SH3RF3: variants seen among roughly 807,000 people sequenced by gnomAD.
SH3RF3 encodes SH3 domain containing ring finger 3.
Under a neutral mutation model 66.3 loss-of-function variants are expected in SH3RF3, and 29 were observed. The ratio of observed to expected loss-of-function variants is 0.44; its 90% CI spans 0.33 to 0.60. SH3RF3 has a LOEUF of 0.60. Among genes scored for constraint, SH3RF3 ranks in the 20% least tolerant of loss-of-function variants. The pLI is 0.04. For missense variants in SH3RF3, 1,194 were observed against 1,190.9 expected, an observed-to-expected ratio of 1.00 and a Z score of -0.04; for synonymous variants, 583 against 532.0, an observed-to-expected ratio of 1.10 and a Z score of -1.32.
intron 2 of SH3RF3, among the ~76,000 whole-genome samples, chr2:109,352,658 C>A (rs558789371): frequency 1.3e-5 from 2 of 152,206 alleles, no homozygotes; most frequent in East Asian, 3.9e-4. Flanking sequence ...TGAAGTTACC[C>A]GAGAAACTCA....
chr2:109,223,799 T>C (rs1679310356), intron 1 of SH3RF3, among the ~76,000 whole-genome samples: 1 of 152,210 alleles, frequency 6.6e-6, no homozygotes, highest in Non-Finnish European at 1.5e-5. Flanking sequence ...CACATGAAAG[T>C]GTTCAATACA....
At chr2:109,283,317 A>T (rs1045606972) in intron 1 of SH3RF3, among the ~76,000 whole-genome samples, 2 of 152,090 alleles carry the variant, frequency 1.3e-5, no homozygotes, top group Non-Finnish European at 2.9e-5. Flanking sequence ...CCTGCTGGAC[A>T]CCTGCTCCCC....
intron 4 of SH3RF3, among the ~76,000 whole-genome samples, chr2:109,412,679 C>T (rs1275173986): frequency 6.6e-6 from 1 of 152,236 alleles, no homozygotes; most frequent in Non-Finnish European, 1.5e-5. Flanking sequence ...TCAGCCAGAC[C>T]TCAAGTGTTA....
At chr2:109,479,362 G>C (rs1678773366) in intron 8 of SH3RF3, among the ~76,000 whole-genome samples, 1 of 152,168 alleles carries the variant, frequency 6.6e-6, no homozygotes, top group Non-Finnish European at 1.5e-5. Context: ...GCTGTATTTA[G>C]AAAATACAAT....
chr2:109,175,921 A>T (rs1677903254), intron 1 of SH3RF3, among the ~76,000 whole-genome samples: 1 of 152,172 alleles, frequency 6.6e-6, no homozygotes, highest in Non-Finnish European at 1.5e-5. Flanking sequence ...AGTTCTTTGA[A>T]TATTTTATAG....
intron 1 of SH3RF3, among the ~76,000 whole-genome samples, chr2:109,205,712 C>T (rs1479106143): frequency 6.6e-6 from 1 of 152,164 alleles, no homozygotes; most frequent in African/African-American, 2.4e-5. Flanking sequence ...GGTGTTGTTT[C>T]GGGGCAGTGC....
chr2:109,504,100 C>G lies in SH3RF3; in HGVS notation c.*2429C>G, dbSNP rs1003942764. 6.6e-6 allele frequency: 1 copy of G among 152,210 alleles called. No individual in the cohort carries two copies. Among genetic ancestry groups the G allele is most frequent in the African/African-American group, 2.4e-5 (1 of 41,432 alleles). 9.4% of individuals were successfully genotyped at this position (152,210 alleles called of 1,614,324 possible). On this transcript the variant is annotated 3_prime_UTR_variant, in exon 10 of 10. Coordinates refer to ENST00000309415, the MANE Select transcript of SH3RF3 (RefSeq NM_001099289.3). ...TTTTAAACTCGTTCAGGCCCTGCAG[C>G]CTTCATGATGATGTAGCTCGCAGAG...
chr2:109,422,550 C>G (rs1026389785), intron 5 of SH3RF3, among the ~76,000 whole-genome samples: 1 of 152,190 alleles, frequency 6.6e-6, no homozygotes, highest in African/African-American at 2.4e-5. Flanking sequence ...TGCATGGAGG[C>G]GACTGTGAGT....
intron 1 of SH3RF3, among the ~76,000 whole-genome samples, chr2:109,224,950 ACTG>A (rs2105162489): frequency 6.6e-6 from 1 of 152,294 alleles, no homozygotes; most frequent in Admixed American, 6.5e-5. Flanking sequence ...CAGCTAGAGA[ACTG>A]CAGCATAACC....
intron 1 of SH3RF3, among the ~76,000 whole-genome samples, chr2:109,261,225 G>C (rs1196281605): frequency 6.6e-6 from 1 of 152,124 alleles, no homozygotes; most frequent in Non-Finnish European, 1.5e-5. Flanking sequence ...TGTAAAGCGA[G>C]GGCCCTGGCT....
chr2:109,328,323 C>T (rs1353450887), intron 1 of SH3RF3, among the ~76,000 whole-genome samples: 2 of 152,206 alleles, frequency 1.3e-5, no homozygotes, highest in Non-Finnish European at 2.9e-5. Flanking sequence ...AGTTCCTACT[C>T]TTTTCCACCT....
At chr2:109,200,284 G>C (rs1402746653) in intron 1 of SH3RF3, among the ~76,000 whole-genome samples, 1 of 152,118 alleles carries the variant, frequency 6.6e-6, no homozygotes, top group African/African-American at 2.4e-5. Flanking sequence ...TTCTCAGTGG[G>C]CGTCTGTTTG....
At chr2:109,284,921 TGACAGAG>T (rs748981248) in intron 1 of SH3RF3, among the ~76,000 whole-genome samples, 4 of 152,366 alleles carry the variant, frequency 2.6e-5, no homozygotes, top group Non-Finnish European at 4.4e-5. Context: ...GCTTCCCTGA[TGACAGAG>T]TTTGGGAAAC....
chr2:109,150,418 G>T (rs1032844981), intron 1 of SH3RF3, among the ~76,000 whole-genome samples: 8 of 152,134 alleles, frequency 5.3e-5, no homozygotes, highest in African/African-American at 1.9e-4. Context: ...TTATTTATGA[G>T]CCTGGAACTA....
At chr2:109,215,906 G>A (rs1183066069) in intron 1 of SH3RF3, among the ~76,000 whole-genome samples, 1 of 152,242 alleles carries the variant, frequency 6.6e-6, no homozygotes. Context: ...TCCACACAGA[G>A]CTGCGAATGT....
chr2:109,365,597 A>T (rs1683139263), intron 2 of SH3RF3, among the ~76,000 whole-genome samples: 1 of 152,090 alleles, frequency 6.6e-6, no homozygotes, highest in African/African-American at 2.4e-5. Flanking sequence ...CCTGTTAGCT[A>T]TTGAATGGTG....
At chr2:109,292,025 A>C (rs553327844) in intron 1 of SH3RF3, among the ~76,000 whole-genome samples, 31 of 152,156 alleles carry the variant, frequency 2.0e-4, no homozygotes, top group Non-Finnish European at 3.8e-4. Flanking sequence ...CACCACGCCC[A>C]GCTAATTTTT....
intron 4 of SH3RF3, among the ~76,000 whole-genome samples, chr2:109,415,124 C>T (rs1049948592): frequency 7.4e-6 from 1 of 134,480 alleles, no homozygotes; most frequent in Non-Finnish European, 1.6e-5. Flanking sequence ...ACGTGGGCAG[C>T]CTCTAGAAGC....
chr2:109,501,046 G>A (rs777616880), intron 9 of SH3RF3, among the ~76,000 whole-genome samples: 1 of 152,220 alleles, frequency 6.6e-6, no homozygotes, highest in African/African-American at 2.4e-5. Flanking sequence ...GTTGAGGAGC[G>A]TGCTTTTCAG....
Sources: allele counts gnomAD v4.1 joint callset (sites outside exome capture counted in the v4.1 genomes callset), GRCh38; gene constraint gnomAD v4.1.1; transcripts MANE v1.5; gene names NCBI Gene and HGNC (gene_info 2026-07-23, HGNC 2026-07-21).